MEP1A: variants seen among roughly 807,000 people sequenced by gnomAD.
MEP1A encodes the protein N-benzoyl-L-tyrosyl-P-amino-benzoic acid hydrolase subunit alpha.
Under a neutral mutation model 84.5 loss-of-function variants are expected in MEP1A, and 68 were observed. That is an observed-to-expected ratio of 0.80 (90% CI 0.66 to 0.98). The LOEUF (loss-of-function observed/expected upper bound fraction) is 0.98, where lower values mean the gene tolerates loss of function less well. Ranked by LOEUF, MEP1A falls within the 50% of genes least tolerant of loss-of-function variation. The probability of loss-of-function intolerance (pLI) is 0.00; values close to 1 mark genes in which losing one functional copy is unlikely to be tolerated. For missense variants in MEP1A, 887 were observed against 919.9 expected (o/e 0.96, Z 0.46); for synonymous variants, 337 against 336.8 (o/e 1.00, Z -0.01).
At chr6:46,840,681 T>C (rs1465065540), downstream of MEP1A, among the ~76,000 whole-genome samples, 1 of 152,224 alleles carries the variant, frequency 6.6e-6, no homozygotes, top group Non-Finnish European at 1.5e-5. Context: ...TAGCTGACTA[T>C]CTCCTTCCAC....
In MEP1A at chr6:46,829,411, C is replaced by G. The variant is rs375177644; in HGVS notation, c.984C>G (p.Ala328=). The G allele has an allele frequency of 7.4e-6, 12 of 1,613,958 alleles. No individual in the cohort carries two copies. The highest frequency in any genetic ancestry group is 1.0e-5 in the Non-Finnish European group (12 of 1,180,030). ...STSSGSAEEA[A]LLESRILYPK... is the part of the protein sequence containing the mutation. ...GCTCGGGGTCCGCGGAAGAGGCAGCCCTACTGGAGTCTCGGATTCTTTACC... is the reference window on the plus strand; with the variant it reads ...GCTCGGGGTCCGCGGAAGAGGCAGCGCTACTGGAGTCTCGGATTCTTTACC... The change falls in exon 10 of 14, where the codon GCC becomes GCG. Residue 328 remains alanine (A), a synonymous_variant. Coordinates refer to ENST00000230588, the MANE Select transcript of MEP1A (RefSeq NM_005588.3).
intron 3 of MEP1A, 51 bp downstream of exon 3, chr6:46,793,767 T>C: frequency 7.6e-7 from 1 of 1,311,664 alleles, no homozygotes; most frequent in South Asian, 1.2e-5. Context: ...TGAAACCCAG[T>C]GGTGGGATTA....
chr6:46,841,012 T>C (rs949621153), downstream of MEP1A, among the ~76,000 whole-genome samples: 2 of 152,202 alleles, frequency 1.3e-5, no homozygotes, highest in African/African-American at 4.8e-5. Flanking sequence ...GCTGCTGTTA[T>C]TGTCCTTTTG....
At chr6:46,827,225 AAGTTGTT>A (rs1767968720) in intron 9 of MEP1A, among the ~76,000 whole-genome samples, 1 of 152,152 alleles carries the variant, frequency 6.6e-6, no homozygotes, top group South Asian at 2.1e-4. Context: ...TGACCACAGG[AAGTTGTT>A]GTCATGTGTG....
Position 46,833,300 on chromosome 6 carries a change from T to A in MEP1A, c.1371T>A (p.Pro457=). The change falls in exon 11 of 14, where the codon CCT becomes CCA. Residue 457 remains proline (P), a synonymous_variant. Transcript: ENST00000230588. The part of the protein sequence containing the change: ...NTSKGDKLQS[P]RFYNSEGYGF... Reference sequence around the variant, plus strand: ...GCAAAGGGGACAAGCTTCAGAGCCCTCGATTCTACAATTCGGAGGGATATG... The same window carrying A: ...GCAAAGGGGACAAGCTTCAGAGCCCACGATTCTACAATTCGGAGGGATATG... The A allele has an allele frequency of 1.2e-6, 2 of 1,614,236 alleles. No individual in the cohort carries two copies. Among genetic ancestry groups the A allele is most frequent in the South Asian group, 2.2e-5 (2 of 91,086 alleles).
chr6:46,797,490 G>C (rs1189922119), intron 3 of MEP1A, among the ~76,000 whole-genome samples: 1 of 152,236 alleles, frequency 6.6e-6, no homozygotes, highest in African/African-American at 2.4e-5. Context: ...GATGTTTGGA[G>C]ATACGGTTTA....
intron 7 of MEP1A, among the ~76,000 whole-genome samples, chr6:46,820,669 T>G (rs189912029): frequency 1.7e-4 from 26 of 152,306 alleles, no homozygotes; most frequent in Admixed American, 3.3e-4. Flanking sequence ...ATTACAGGCA[T>G]GAGCCACCAC....
At chr6:46,812,281 A>G (rs1416517299) in intron 6 of MEP1A, among the ~76,000 whole-genome samples, 1 of 152,016 alleles carries the variant, frequency 6.6e-6, no homozygotes, top group East Asian at 1.9e-4. Context: ...AGTAGCCTTG[A>G]ATAATCTTTC....
downstream of MEP1A, among the ~76,000 whole-genome samples, chr6:46,843,349 G>A (rs1768364925): frequency 6.6e-6 from 1 of 152,134 alleles, no homozygotes; most frequent in Non-Finnish European, 1.5e-5. Context: ...ATTAAGTGAG[G>A]GAAAACTAGG....
chr6:46,827,180 C>G (rs992524070), intron 9 of MEP1A, among the ~76,000 whole-genome samples: 3 of 152,150 alleles, frequency 2.0e-5, no homozygotes, highest in African/African-American at 7.2e-5. Context: ...AAAGACAGAC[C>G]TGGTTTGAAA....
In MEP1A at chr6:46,827,153, A is replaced by G. The variant is rs149275549; in HGVS notation, c.928+650A>G. 3.3e-3 allele frequency among the ~76,000 whole-genome samples: 505 copies of G among 152,278 alleles called. 2 individuals carry two copies. Among genetic ancestry groups the G allele is most frequent in the South Asian group, 0.014 (66 of 4,824 alleles). On this transcript the variant is annotated intron_variant, in intron 9 of 13. Coordinates refer to ENST00000230588, the MANE Select transcript of MEP1A (RefSeq NM_005588.3). ...GATAGCATAGCTTCAGATACTTCCT[A>G]TATATGGTGTAGTGAAAAAGACAGA...
At chr6:46,823,363 G>A (rs1025740743) in intron 7 of MEP1A, among the ~76,000 whole-genome samples, 1 of 152,200 alleles carries the variant, frequency 6.6e-6, no homozygotes, top group Non-Finnish European at 1.5e-5. Flanking sequence ...TATAATCCCA[G>A]CACTTTGAGA....
chr6:46,817,291 A>G (rs1456447339), intron 6 of MEP1A, among the ~76,000 whole-genome samples: 1 of 152,194 alleles, frequency 6.6e-6, no homozygotes, highest in Admixed American at 6.5e-5. Flanking sequence ...AATATTGCTG[A>G]AAGAATAACT....
intron 5 of MEP1A, among the ~76,000 whole-genome samples, chr6:46,804,209 G>C (rs983940377): frequency 1.3e-5 from 2 of 151,502 alleles, no homozygotes; most frequent in Non-Finnish European, 3.0e-5. Context: ...ATTTGTTGAT[G>C]ACAAATTCTG....
chr6:46,803,067 A>G (rs1357294930), intron 5 of MEP1A, among the ~76,000 whole-genome samples: 1 of 151,586 alleles, frequency 6.6e-6, no homozygotes, highest in Non-Finnish European at 1.5e-5. Context: ...TATCTTTTGA[A>G]TAAGTTTGTG....
downstream of MEP1A, among the ~76,000 whole-genome samples, chr6:46,842,041 G>T (rs1373465503): frequency 1.3e-5 from 2 of 152,078 alleles, no homozygotes; most frequent in African/African-American, 4.8e-5. Context: ...AACATAAATT[G>T]TGAAGATTTC....
intron 6 of MEP1A, among the ~76,000 whole-genome samples, chr6:46,814,195 G>A (rs1767574825): frequency 6.6e-6 from 1 of 152,058 alleles, no homozygotes. Context: ...TTATTCTTAG[G>A]TTTGGATGTT....
At chr6:46,803,305 A>G (rs1453661403) in intron 5 of MEP1A, among the ~76,000 whole-genome samples, 1 of 151,624 alleles carries the variant, frequency 6.6e-6, no homozygotes, top group Non-Finnish European at 1.5e-5. Flanking sequence ...GTAATAAAAA[A>G]TTAAGATTAT....
At position 46,833,260 on chromosome 6, in the gene MEP1A, T is replaced by A; in HGVS notation, c.1331T>A (p.Val444Asp). The stretch of plus-strand genomic sequence containing the variant: ...TGGACAGTCCGGAATTTCTCCCAAG[T>A]CCTTGAGAACACCAGCAAAGGGGAC... Reference protein sequence around the residue: ...GVWTVRNFSQVLENTSKGDKL... With the variant: ...GVWTVRNFSQDLENTSKGDKL... Residue 444 changes from valine to aspartate, a missense_variant, in exon 11 of 14, where the codon GTC becomes GAC. By Grantham distance (152) the Val-to-Asp change is radical. Transcript: ENST00000230588. The A allele has an allele frequency of 6.2e-7, 1 of 1,614,196 alleles. No homozygotes were observed. The highest frequency in any genetic ancestry group is 8.5e-7 in the Non-Finnish European group (1 of 1,180,032).
Sources: allele counts gnomAD v4.1 joint callset (sites outside exome capture counted in the v4.1 genomes callset), GRCh38; gene constraint gnomAD v4.1.1; transcripts MANE v1.5; gene names NCBI Gene and HGNC (gene_info 2026-07-23, HGNC 2026-07-21).